The following CSMD2 variants were observed in gnomAD, a reference collection of about 807,000 sequenced individuals.
CSMD2 encodes the protein CUB and Sushi multiple domains 2.
Under a neutral mutation model 398.5 loss-of-function variants are expected in CSMD2, and 130 were observed. The ratio of observed to expected loss-of-function variants is 0.33; its 90% CI spans 0.28 to 0.38. The LOEUF (loss-of-function observed/expected upper bound fraction) is 0.38, where lower values mean the gene tolerates loss of function less well. Ranked by LOEUF, CSMD2 falls within the 10% of genes least tolerant of loss-of-function variation. The pLI is 1.00. For synonymous variants in CSMD2, 1,828 were observed against 1,908.5 expected (o/e 0.96, Z 1.10); for missense variants, 3,829 against 4,764.9 (o/e 0.80, Z 5.78).
At chr1:33,864,557 G>A (rs368945159) in intron 5 of CSMD2, 10 of 1,614,072 alleles carry the variant, frequency 6.2e-6, no homozygotes, top group Non-Finnish European at 8.5e-6. Context: ...CGGTGGTGCA[G>A]GTGGCCAAGG....
At chr1:34,017,804 C>T (rs1395486479) in intron 3 of CSMD2, among the ~76,000 whole-genome samples, 1 of 152,130 alleles carries the variant, frequency 6.6e-6, no homozygotes, top group African/African-American at 2.4e-5. Flanking sequence ...CATGAATTTC[C>T]TTCTTCTGAA....
At chr1:34,110,255 A>G (rs1456749563) in intron 1 of CSMD2, among the ~76,000 whole-genome samples, 1 of 152,144 alleles carries the variant, frequency 6.6e-6, no homozygotes, top group Non-Finnish European at 1.5e-5. Flanking sequence ...GAGAGTGTAA[A>G]TTAGTTCAAC....
chr1:33,974,320 T>C (rs1028431392), intron 3 of CSMD2, among the ~76,000 whole-genome samples: 4 of 152,202 alleles, frequency 2.6e-5, no homozygotes, highest in Non-Finnish European at 4.4e-5. Context: ...CAGAAACTGA[T>C]AACCCAGCAG....
intron 2 of CSMD2, among the ~76,000 whole-genome samples, chr1:34,073,440 C>T (rs934900543): frequency 6.6e-6 from 1 of 152,158 alleles, no homozygotes; most frequent in Admixed American, 6.5e-5. Context: ...GCCTCATGGG[C>T]AGTTTAATGA....
intron 1 of CSMD2, among the ~76,000 whole-genome samples, chr1:34,152,919 T>G (rs1640462045): frequency 6.6e-6 from 1 of 152,228 alleles, no homozygotes; most frequent in African/African-American, 2.4e-5. Context: ...ACCACCATTC[T>G]ATTTTCTGTC....
At position 33,772,600 on chromosome 1, in the gene CSMD2, G is replaced by A. The variant is rs1651435220; in HGVS notation, c.1815C>T (p.Asn605=). The A allele has an allele frequency of 6.2e-7, 1 of 1,614,032 alleles. No homozygotes were observed. Among genetic ancestry groups the A allele is most frequent in the Non-Finnish European group, 8.5e-7 (1 of 1,179,956 alleles). The change falls in exon 13 of 71, where the codon AAC becomes AAT. Residue 605 remains asparagine (N), a synonymous_variant. Transcript: ENST00000373381. ...GQKAITCQKN[N]QWSAKKPGCV... is the part of the protein sequence containing the mutation. ...AGCCTGGCTTCTTAGCCGACCATTG[G>A]TTATTCTTTTGGCATGTGATTGCCT...
chr1:33,619,414 C>T (rs976608781), intron 37 of CSMD2, among the ~76,000 whole-genome samples: 1 of 151,482 alleles, frequency 6.6e-6, no homozygotes, highest in Non-Finnish European at 1.5e-5. Flanking sequence ...ACCAATCAGC[C>T]TAGACCATCA....
At chr1:34,069,555 AC>A (rs1655491935) in intron 2 of CSMD2, among the ~76,000 whole-genome samples, 1 of 152,206 alleles carries the variant, frequency 6.6e-6, no homozygotes, top group Non-Finnish European at 1.5e-5. Flanking sequence ...GCAGGATTCA[AC>A]CCCAGGAGTG....
chr1:34,159,469 G>T (rs1011547643), intron 1 of CSMD2, among the ~76,000 whole-genome samples: 6 of 152,250 alleles, frequency 3.9e-5, no homozygotes, highest in African/African-American at 9.6e-5. Context: ...GCCAAAGAAG[G>T]CAGCCTGGGC....
intron 42 of CSMD2, 52 bp downstream of exon 42, chr1:33,605,230 A>C: frequency 6.5e-7 from 1 of 1,540,624 alleles, no homozygotes; most frequent in Non-Finnish European, 8.9e-7. Context: ...GCTCTGGACC[A>C]GTCTCCACGA....
intron 44 of CSMD2, among the ~76,000 whole-genome samples, chr1:33,590,131 GT>G (rs35685001): frequency 0.64 from 93,723 of 146,096 alleles, 30,208 homozygotes; most frequent in East Asian, 0.76. Flanking sequence ...TTAAAACTAG[GT>G]TTTTTTTTTT....
intron 28 of CSMD2, 140 bp from the exon 29 acceptor site, chr1:33,646,975 CT>C: frequency 1.3e-6 from 1 of 785,038 alleles, no homozygotes; most frequent in South Asian, 1.9e-5. Context: ...TGAAGACTGG[CT>C]GGTGGGAAGG....
intron 3 of CSMD2, among the ~76,000 whole-genome samples, chr1:34,020,622 C>T (rs1287831800): frequency 3.4e-5 from 5 of 148,572 alleles, no homozygotes; most frequent in Non-Finnish European, 7.4e-5. Context: ...TCAGCAGGAA[C>T]ACGGTGGAGA....
intron 48 of CSMD2, among the ~76,000 whole-genome samples, chr1:33,580,362 A>C (rs1229429426): frequency 6.6e-6 from 1 of 152,262 alleles, no homozygotes; most frequent in Admixed American, 6.5e-5. Flanking sequence ...GCAGAGCAGA[A>C]GAAAGGCACC....
chr1:33,857,227 T>C (rs1158410519), intron 5 of CSMD2, among the ~76,000 whole-genome samples: 1 of 152,120 alleles, frequency 6.6e-6, no homozygotes, highest in Non-Finnish European at 1.5e-5. Flanking sequence ...AGTGAGGTGA[T>C]GCATATAAAA....
chr1:33,662,802 G>T, intron 26 of CSMD2, 88 bp downstream of exon 26: 1 of 1,159,074 alleles, frequency 8.6e-7, no homozygotes, highest in Non-Finnish European at 1.3e-6. Context: ...TACATGGACT[G>T]AGGGATGAAG....
chr1:33,749,099 T>TTC (rs1647819508), intron 13 of CSMD2, among the ~76,000 whole-genome samples: 1 of 136,730 alleles, frequency 7.3e-6, no homozygotes, highest in African/African-American at 2.8e-5. Context: ...CTTCTTTTTT[T>TTC]TTTTTTTTTT....
intron 60 of CSMD2, 94 bp downstream of exon 60, chr1:33,540,431 A>T (rs545983128): frequency 1.5e-6 from 2 of 1,306,628 alleles, no homozygotes; most frequent in East Asian, 2.3e-5. Flanking sequence ...GGAGGGGACT[A>T]CCTATTCTGG....
intron 10 of CSMD2, among the ~76,000 whole-genome samples, chr1:33,807,999 T>G (rs1165891461): frequency 6.6e-6 from 1 of 152,138 alleles, no homozygotes; most frequent in Admixed American, 6.5e-5. Flanking sequence ...CCTTTAAGGT[T>G]AAAAACATTA....
Sources: allele counts gnomAD v4.1 joint callset (sites outside exome capture counted in the v4.1 genomes callset), GRCh38; gene constraint gnomAD v4.1.1; transcripts MANE v1.5; gene names NCBI Gene and HGNC (gene_info 2026-07-23, HGNC 2026-07-21).